PHACTR4: variants seen among roughly 807,000 people sequenced by gnomAD.
PHACTR4 encodes the protein protein phosphatase 1, regulatory subunit 124.
A neutral mutation model predicts 72.7 loss-of-function variants in PHACTR4; 51 were observed. The observed-to-expected ratio is 0.70, with a 90% CI of 0.56 to 0.89. The LOEUF (loss-of-function observed/expected upper bound fraction) is 0.89, where lower values mean the gene tolerates loss of function less well. Among genes scored for constraint, PHACTR4 ranks in the 40% least tolerant of loss-of-function variants. The pLI is 0.00. For synonymous variants in PHACTR4, 255 were observed against 302.5 expected (o/e 0.84, Z 1.63); for missense variants, 731 against 861.8 (o/e 0.85, Z 1.90).
At chr1:28,376,358 C>T (rs1027570031) in intron 1 of PHACTR4, among the ~76,000 whole-genome samples, 1 of 151,148 alleles carries the variant, frequency 6.6e-6, no homozygotes, top group African/African-American at 2.4e-5. Flanking sequence ...GTCACCTAGG[C>T]TGGAGTCCAG....
chr1:28,405,162 C>A (rs1222766387), intron 1 of PHACTR4, among the ~76,000 whole-genome samples: 1 of 151,884 alleles, frequency 6.6e-6, no homozygotes, highest in Non-Finnish European at 1.5e-5. Flanking sequence ...ACATCCTTTG[C>A]CCATTTTTAA....
intron 1 of PHACTR4, among the ~76,000 whole-genome samples, chr1:28,402,079 A>G (rs918850503): frequency 6.6e-6 from 1 of 152,096 alleles, no homozygotes; most frequent in Non-Finnish European, 1.5e-5. Context: ...AGGCAATAAG[A>G]CTTGGTAATG....
At chr1:28,395,580 C>A (rs1400679050) in intron 1 of PHACTR4, among the ~76,000 whole-genome samples, 1 of 150,322 alleles carries the variant, frequency 6.7e-6, no homozygotes, top group Admixed American at 6.6e-5. Context: ...CTTTACTCCT[C>A]AGTAATATGT....
In PHACTR4 at chr1:28,465,652, T is replaced by G. The variant is rs760422327; in HGVS notation, c.272-33T>G. 4 of 1,585,668 alleles carry G rather than the reference T, an allele frequency of 2.5e-6. No individual in the cohort carries two copies. The East Asian group carries it at 9.0e-5, about 36-fold the overall frequency. On this transcript the variant is annotated intron_variant, in intron 4 of 13. Transcript: ENST00000373839. ...CTTCTTTCTATCTGTTCATGCCAAC[T>G]TCATCACTTTGTACTCTTCTTTCAC...
chr1:28,393,130 G>A (rs1205102472), intron 1 of PHACTR4, among the ~76,000 whole-genome samples: 2 of 149,322 alleles, frequency 1.3e-5, no homozygotes. Context: ...TTTACACACC[G>A]TAACTATATA....
chr1:28,471,121 G>T (rs1438716972), intron 6 of PHACTR4, among the ~76,000 whole-genome samples: 1 of 152,148 alleles, frequency 6.6e-6, no homozygotes, highest in Non-Finnish European at 1.5e-5. Flanking sequence ...GCCGAGGCGG[G>T]TGGATCACCT....
intron 9 of PHACTR4, among the ~76,000 whole-genome samples, chr1:28,483,331 A>C (rs1203447128): frequency 6.6e-6 from 1 of 151,734 alleles, no homozygotes; most frequent in African/African-American, 2.4e-5. Flanking sequence ...GGAGGGGCTC[A>C]AGGTCGGCCC....
At chr1:28,483,468 C>T (rs1403155071) in intron 9 of PHACTR4, among the ~76,000 whole-genome samples, 1 of 151,250 alleles carries the variant, frequency 6.6e-6, no homozygotes, top group Non-Finnish European at 1.5e-5. Context: ...TAAAGAAAGA[C>T]ATGTTTATTA....
At chr1:28,402,426 T>TATA (rs1654009509) in intron 1 of PHACTR4, among the ~76,000 whole-genome samples, 1 of 152,134 alleles carries the variant, frequency 6.6e-6, no homozygotes, top group Non-Finnish European at 1.5e-5. Flanking sequence ...AGAATTTGTT[T>TATA]GTATCATCAG....
chr1:28,423,432 T>C (rs1355664617), intron 2 of PHACTR4, among the ~76,000 whole-genome samples: 1 of 126,080 alleles, frequency 7.9e-6, no homozygotes, highest in African/African-American at 4.4e-5. Flanking sequence ...AATAAATAAA[T>C]AAATAAATAA....
chr1:28,406,592 A>G (rs1031429143), intron 1 of PHACTR4, among the ~76,000 whole-genome samples: 2 of 152,184 alleles, frequency 1.3e-5, no homozygotes, highest in Non-Finnish European at 2.9e-5. Context: ...CGGCCCTACA[A>G]CTGCATCTTA....
In PHACTR4 at chr1:28,459,067, C is replaced by A. The variant is rs1658612262; in HGVS notation, c.17-18C>A. 8 of 1,579,434 alleles carry A rather than the reference C, an allele frequency of 5.1e-6. No individual in the cohort carries two copies. The highest frequency in any genetic ancestry group is 6.0e-6 in the Non-Finnish European group (7 of 1,162,250). Reference sequence around the variant, plus strand: ...ATAATACATTTGCTTCCTTCCCTCTCTTCTTTTCATGTAACAGAGGAAGCA... The same window carrying A: ...ATAATACATTTGCTTCCTTCCCTCTATTCTTTTCATGTAACAGAGGAAGCA... On this transcript the variant is annotated intron_variant, in intron 2 of 13. Coordinates refer to ENST00000373839, the MANE Select transcript of PHACTR4 (RefSeq NM_001048183.3).
chr1:28,396,007 GT>G (rs952613212), intron 1 of PHACTR4, among the ~76,000 whole-genome samples: 2 of 147,654 alleles, frequency 1.4e-5, no homozygotes, highest in African/African-American at 5.1e-5. Flanking sequence ...GTAAAACTCA[GT>G]CCTTACTAAG....
chr1:28,490,880 ATTAC>A, intron 10 of PHACTR4, 67 bp from the exon 11 acceptor site: 1 of 1,432,000 alleles, frequency 7.0e-7, no homozygotes, highest in Non-Finnish European at 9.8e-7. Context: ...CTGTAATGTA[ATTAC>A]TAAAACGTTT....
chr1:28,429,955 CCTGT>C (rs1656132154), intron 2 of PHACTR4, among the ~76,000 whole-genome samples: 1 of 152,000 alleles, frequency 6.6e-6, no homozygotes, highest in Non-Finnish European at 1.5e-5. Flanking sequence ...CTTTACCTCT[CCTGT>C]ATTATCCCTT....
At chr1:28,457,641 AAG>A (rs1658488513) in intron 2 of PHACTR4, among the ~76,000 whole-genome samples, 1 of 151,894 alleles carries the variant, frequency 6.6e-6, no homozygotes, top group Admixed American at 6.6e-5. Context: ...TTTTTTAAAA[AAG>A]ATGTTTTAGT....
intron 8 of PHACTR4, among the ~76,000 whole-genome samples, chr1:28,478,694 T>G (rs1381101346): frequency 1.3e-5 from 2 of 152,080 alleles, no homozygotes; most frequent in Non-Finnish European, 1.5e-5. Flanking sequence ...GACCTCATGA[T>G]CCACCTGCCT....
intron 13 of PHACTR4, 142 bp downstream of exon 13, chr1:28,493,233 T>A: frequency 1.4e-6 from 1 of 720,064 alleles, no homozygotes; most frequent in Non-Finnish European, 2.3e-6. Context: ...GGATGAAAAG[T>A]AAGAAGCAAT....
intron 9 of PHACTR4, among the ~76,000 whole-genome samples, chr1:28,481,934 G>T (rs1231905569): frequency 6.6e-6 from 1 of 152,062 alleles, no homozygotes; most frequent in African/African-American, 2.4e-5. Context: ...GCCTCGCTCT[G>T]TCACCCAGGC....
Sources: gnomAD v4.1 joint callset for allele counts (sites outside exome capture counted in the v4.1 genomes callset) on GRCh38, gnomAD v4.1.1 for gene constraint, MANE v1.5 for transcripts, NCBI Gene and HGNC (gene_info 2026-07-23, HGNC 2026-07-21) for gene names.